SMYD3: variants seen among roughly 807,000 people sequenced by gnomAD.
SMYD3 encodes the protein histone-lysine N-methyltransferase SMYD3.
In SMYD3, 36 loss-of-function variants were observed where a neutral mutation model predicts 57.7. The ratio of observed to expected loss-of-function variants is 0.62; its 90% CI spans 0.48 to 0.82. The LOEUF is 0.82. Ranked by LOEUF, SMYD3 falls within the 40% of genes least tolerant of loss-of-function variation. SMYD3 has a pLI of 0.00. For synonymous variants in SMYD3, 211 were observed against 195.0 expected (o/e 1.08, Z -0.68); for missense variants, 515 against 538.8 (o/e 0.96, Z 0.44).
At chr1:246,378,773 A>AT (rs2066330421) in intron 1 of SMYD3, among the ~76,000 whole-genome samples, 1 of 115,658 alleles carries the variant, frequency 8.6e-6, no homozygotes, top group Non-Finnish European at 1.7e-5. Flanking sequence ...TATTATATAT[A>AT]ATTTAATATA....
chr1:246,407,279 T>C (rs1284440225), intron 1 of SMYD3, among the ~76,000 whole-genome samples: 5 of 152,218 alleles, frequency 3.3e-5, no homozygotes, highest in African/African-American at 1.2e-4. Context: ...AGTTCTAAGA[T>C]TGCAACCACC....
intron 5 of SMYD3, among the ~76,000 whole-genome samples, chr1:246,234,037 C>T (rs1475866248): frequency 2.8e-5 from 4 of 141,056 alleles, no homozygotes; most frequent in Admixed American, 7.2e-5. Flanking sequence ...TCAATCCACA[C>T]TGTGATGAAC....
At chr1:246,064,347 G>A (rs1354723822) in intron 5 of SMYD3, among the ~76,000 whole-genome samples, 1 of 152,132 alleles carries the variant, frequency 6.6e-6, no homozygotes, top group East Asian at 1.9e-4. Flanking sequence ...TGTACTCTCT[G>A]TTCTAGTCAA....
At chr1:246,302,652 C>T (rs1464902533) in intron 5 of SMYD3, among the ~76,000 whole-genome samples, 1 of 151,998 alleles carries the variant, frequency 6.6e-6, no homozygotes, top group South Asian at 2.1e-4. Flanking sequence ...GCAAATTGGA[C>T]AGTTCATGCT....
rs1264451699 is a variant in SMYD3 at position 245,801,391 on chromosome 1, T to A, written c.1077-37242A>T. Among the ~76,000 whole-genome samples, 2 of 152,196 alleles carry A rather than the reference T, an allele frequency of 1.3e-5. 1 individual carries two copies. Among genetic ancestry groups the A allele is most frequent in the Non-Finnish European group, 2.9e-5 (2 of 68,032 alleles). ...GCCTGGAGGGCATGGAATCAGGCCA[T>A]CATTTCTAGCCACGGTAACTAAACT... On this transcript the variant is annotated intron_variant, in intron 10 of 11. Coordinates refer to ENST00000490107, the MANE Select transcript of SMYD3 (RefSeq NM_001167740.2).
chr1:246,082,625 C>G (rs2147845427), intron 5 of SMYD3, among the ~76,000 whole-genome samples: 1 of 152,282 alleles, frequency 6.6e-6, no homozygotes, highest in African/African-American at 2.4e-5. Flanking sequence ...ACTTGGCTAG[C>G]TCTGCATTAA....
intron 7 of SMYD3, among the ~76,000 whole-genome samples, chr1:245,927,278 G>A (rs1159612651): frequency 6.6e-6 from 1 of 152,196 alleles, no homozygotes; most frequent in African/African-American, 2.4e-5. Flanking sequence ...CTTGTAAGAA[G>A]GTTCTGCACC....
chr1:245,911,576 C>T (rs932292341), intron 8 of SMYD3, among the ~76,000 whole-genome samples: 1 of 151,838 alleles, frequency 6.6e-6, no homozygotes, highest in African/African-American at 2.4e-5. Flanking sequence ...AAAATCCTGT[C>T]ATTTGTAGCA....
intron 5 of SMYD3, among the ~76,000 whole-genome samples, chr1:246,236,950 T>A (rs1459740227): frequency 6.6e-6 from 1 of 152,188 alleles, no homozygotes; most frequent in Non-Finnish European, 1.5e-5. Context: ...TGTTTCTCCA[T>A]TCCTCCACCT....
At chr1:246,507,022 G>C in intron 1 of SMYD3, 32 bp downstream of exon 1, 1 of 1,413,160 alleles carries the variant, frequency 7.1e-7, no homozygotes, top group Non-Finnish European at 9.3e-7. Flanking sequence ...CACAGCTCGC[G>C]ACTCAGGTAG....
intron 5 of SMYD3, among the ~76,000 whole-genome samples, chr1:246,324,015 TTG>T (rs934716990): frequency 1.3e-5 from 2 of 152,164 alleles, no homozygotes; most frequent in African/African-American, 2.4e-5. Context: ...CCCTCTATTT[TTG>T]TGTGTGTTTG....
chr1:245,806,677 G>A (rs1252640271), intron 10 of SMYD3, among the ~76,000 whole-genome samples: 10 of 151,950 alleles, frequency 6.6e-5, no homozygotes, highest in Non-Finnish European at 8.8e-5. Context: ...TTGGGAGGCC[G>A]AGGCGGGTGG....
rs1373157945 is a variant in SMYD3, at chr1:246,180,573, T to A, written c.531+146628A>T. Among the ~76,000 whole-genome samples, 2 of 149,836 alleles carry A rather than the reference T, an allele frequency of 1.3e-5. 1 individual carries two copies. The highest frequency in any genetic ancestry group is 6.4e-3 in the Middle Eastern group (2 of 312). The stretch of plus-strand genomic sequence containing the variant: ...GAGATCAAGACCATCCTGGTTAACA[T>A]GGTGAAACTCCATCTCTACTAAAAA... On this transcript the variant is annotated intron_variant, in intron 5 of 11. Transcript: ENST00000490107.
At chr1:245,798,304 G>C (rs2817476) in intron 10 of SMYD3, among the ~76,000 whole-genome samples, 15,600 of 115,662 alleles carry the variant, frequency 0.13, 1,005 homozygotes, top group Non-Finnish European at 0.18. Flanking sequence ...ATTTCCAGTG[G>C]GAGCCAGAGC....
At chr1:246,006,686 C>G (rs1232551445) in intron 5 of SMYD3, among the ~76,000 whole-genome samples, 1 of 152,110 alleles carries the variant, frequency 6.6e-6, no homozygotes, top group Non-Finnish European at 1.5e-5. Flanking sequence ...TCTCGCCTAA[C>G]AAAACTGCCC....
At chr1:246,295,066 T>C (rs1009506374) in intron 5 of SMYD3, among the ~76,000 whole-genome samples, 9 of 152,168 alleles carry the variant, frequency 5.9e-5, no homozygotes, top group East Asian at 1.9e-4. Context: ...AAATATTTTA[T>C]GTACTCCTTT....
chr1:246,336,115 A>T (rs935131710), intron 2 of SMYD3, among the ~76,000 whole-genome samples: 1 of 152,186 alleles, frequency 6.6e-6, no homozygotes, highest in Non-Finnish European at 1.5e-5. Flanking sequence ...TTGATGACAA[A>T]TTATATGGTC....
intron 5 of SMYD3, among the ~76,000 whole-genome samples, chr1:246,107,159 C>T (rs1282632065): frequency 3.0e-4 from 45 of 148,866 alleles, no homozygotes; most frequent in African/African-American, 9.3e-4. Context: ...TGGTGGCAGG[C>T]GCCTGTAGTC....
chr1:246,188,055 C>T (rs1224262287), intron 5 of SMYD3, among the ~76,000 whole-genome samples: 2 of 151,902 alleles, frequency 1.3e-5, no homozygotes, highest in Non-Finnish European at 2.9e-5. Flanking sequence ...TAATAAATAT[C>T]GATTTATTAA....
Sources: gnomAD v4.1 joint callset for allele counts (sites outside exome capture counted in the v4.1 genomes callset) on GRCh38, gnomAD v4.1.1 for gene constraint, MANE v1.5 for transcripts, NCBI Gene and HGNC (gene_info 2026-07-23, HGNC 2026-07-21) for gene names.